The following NEK11 variants were observed in gnomAD, a reference collection of about 807,000 sequenced individuals.
The protein encoded by NEK11 is NIMA related kinase 11.
A neutral mutation model predicts 80.7 loss-of-function variants in NEK11; 72 were observed. That is an observed-to-expected ratio of 0.89 (90% CI 0.74 to 1.08). The LOEUF is 1.08. Ranked by LOEUF, NEK11 falls within the 50% of genes least tolerant of loss-of-function variation. NEK11 has a pLI of 0.00. For missense variants in NEK11, 764 were observed against 763.6 expected (o/e 1.00, Z -0.01); for synonymous variants, 251 against 260.7 (o/e 0.96, Z 0.36).
intron 17 of NEK11, among the ~76,000 whole-genome samples, chr3:131,301,563 G>A (rs2096661869): frequency 6.6e-6 from 1 of 151,640 alleles, no homozygotes; most frequent in African/African-American, 2.4e-5. Flanking sequence ...TGCCTAGTTT[G>A]TTGTGGAGGA....
At chr3:131,129,100 C>T (rs565195699) in intron 5 of NEK11, among the ~76,000 whole-genome samples, 5 of 129,554 alleles carry the variant, frequency 3.9e-5, no homozygotes, top group East Asian at 2.5e-4. Flanking sequence ...GTCACGCAGG[C>T]GTGTCAGAGT....
chr3:131,171,867 G>A (rs943919685), intron 14 of NEK11, among the ~76,000 whole-genome samples: 4 of 152,218 alleles, frequency 2.6e-5, no homozygotes, highest in African/African-American at 9.6e-5. Flanking sequence ...GAATTAATGA[G>A]TGGATGAATA....
At chr3:131,058,479 G>A (rs370710648) in intron 3 of NEK11, among the ~76,000 whole-genome samples, 28 of 152,226 alleles carry the variant, frequency 1.8e-4, no homozygotes, top group African/African-American at 5.5e-4. Context: ...TAGAGAGAGC[G>A]ATACCAGCCC....
chr3:131,085,613 A>G (rs959713415), intron 4 of NEK11, among the ~76,000 whole-genome samples: 13 of 152,290 alleles, frequency 8.5e-5, no homozygotes, highest in African/African-American at 3.1e-4. Flanking sequence ...TAGGCCAAGA[A>G]GAATAGAGCA....
At chr3:131,270,368 CG>C (rs1315016030) in intron 16 of NEK11, among the ~76,000 whole-genome samples, 1 of 152,156 alleles carries the variant, frequency 6.6e-6, no homozygotes, top group Non-Finnish European at 1.5e-5. Flanking sequence ...CATATGGAAA[CG>C]TAGAATCCCA....
At chr3:131,087,253 T>C (rs2076107406) in intron 4 of NEK11, among the ~76,000 whole-genome samples, 1 of 146,828 alleles carries the variant, frequency 6.8e-6, no homozygotes, top group Non-Finnish European at 1.5e-5. Flanking sequence ...TTTTTTTTTT[T>C]TTTTTGAGAC....
chr3:131,237,298 T>C (rs963914236), intron 15 of NEK11, among the ~76,000 whole-genome samples: 1 of 152,188 alleles, frequency 6.6e-6, no homozygotes, highest in Non-Finnish European at 1.5e-5. Flanking sequence ...ATTAAGCCAC[T>C]GTACTCCAGC....
chr3:131,134,146 C>T, intron 7 of NEK11, 190 bp downstream of exon 7: 1 of 473,806 alleles, frequency 2.1e-6, no homozygotes, highest in Non-Finnish European at 3.4e-6. Flanking sequence ...TTCAAAAATT[C>T]TTTTTATTCA....
chr3:131,186,112 A>G (rs1010660637), intron 14 of NEK11, among the ~76,000 whole-genome samples: 2 of 152,212 alleles, frequency 1.3e-5, no homozygotes, highest in African/African-American at 4.8e-5. Context: ...GCAAGTTGCA[A>G]TATTTTCTCA....
chr3:131,091,761 T>A (rs1226557788), intron 4 of NEK11, among the ~76,000 whole-genome samples: 1 of 152,188 alleles, frequency 6.6e-6, no homozygotes, highest in Non-Finnish European at 1.5e-5. Context: ...AAACTTTAAA[T>A]AAATTAAATT....
At position 131,324,576 on chromosome 3, in the gene NEK11, G is replaced by GA. The variant is rs2096936773; in HGVS notation, c.1719-24974dup. Among the ~76,000 whole-genome samples, 4 of 152,050 alleles carry GA rather than the reference G, an allele frequency of 2.6e-5. No individual in the cohort carries two copies. In the South Asian group the frequency reaches 8.3e-4, roughly 31 times the overall value. On this transcript the variant is annotated intron_variant, in intron 17 of 17. Coordinates refer to ENST00000383366, the MANE Select transcript of NEK11 (RefSeq NM_024800.5). ...GTGGTGAAATTGACTCTTCAAAAAT[G>GA]AAAAAAAGTGTGGCTTGAATTGATA... is the stretch of plus-strand genomic sequence containing the variant.
At chr3:131,153,843 C>G (rs1283048379) in intron 9 of NEK11, among the ~76,000 whole-genome samples, 1 of 152,114 alleles carries the variant, frequency 6.6e-6, no homozygotes, top group Non-Finnish European at 1.5e-5. Flanking sequence ...ATATGCCTAG[C>G]ACTGGGAAGA....
At position 131,222,032 on chromosome 3, in the gene NEK11, C is replaced by T. The variant is rs940739289; in HGVS notation, c.1400-6496C>T. 4.6e-5 allele frequency among the ~76,000 whole-genome samples: 7 copies of T among 152,034 alleles called. 1 individual carries two copies. In the South Asian group the frequency reaches 6.2e-4, roughly 14 times the overall value. Reference sequence around the variant, plus strand: ...TCTGATTCTCCCAGCTCCCTTAAGACGGTTTACCAGGATGACTAAGCTTCA... The same window carrying T: ...TCTGATTCTCCCAGCTCCCTTAAGATGGTTTACCAGGATGACTAAGCTTCA... On this transcript the variant is annotated intron_variant, in intron 14 of 17. Transcript: ENST00000383366.
intron 17 of NEK11, among the ~76,000 whole-genome samples, chr3:131,337,942 ATTT>A (rs1250150773): frequency 6.6e-6 from 1 of 151,848 alleles, no homozygotes; most frequent in East Asian, 1.9e-4. Context: ...CTTGGCATAA[ATTT>A]TTTTTCTTTT....
At chr3:131,104,554 G>A (rs11714517) in intron 4 of NEK11, among the ~76,000 whole-genome samples, 68,597 of 151,830 alleles carry the variant, frequency 0.45, 17,360 homozygotes, top group Middle Eastern at 0.67. Flanking sequence ...AAAGAAGAGC[G>A]ATGACCAGCT....
At chr3:131,310,599 ACTTTC>A (rs1168786924) in intron 17 of NEK11, among the ~76,000 whole-genome samples, 4 of 152,212 alleles carry the variant, frequency 2.6e-5, no homozygotes, top group Non-Finnish European at 5.9e-5. Context: ...TGACAGATAT[ACTTTC>A]AAACTTTAAA....
intron 5 of NEK11, among the ~76,000 whole-genome samples, chr3:131,120,959 T>C (rs2082267788): frequency 6.6e-6 from 1 of 152,032 alleles, no homozygotes; most frequent in Non-Finnish European, 1.5e-5. Flanking sequence ...TGTTATTACC[T>C]ATCGGCTGAA....
At chr3:131,082,006 G>A (rs1402394578) in intron 4 of NEK11, among the ~76,000 whole-genome samples, 1 of 152,160 alleles carries the variant, frequency 6.6e-6, no homozygotes, top group Non-Finnish European at 1.5e-5. Flanking sequence ...TTCCCCTTCA[G>A]GTCAGCCTCA....
rs1560231804 is a variant in NEK11 at position 131,064,806 on chromosome 3, A to AAGAATGTAAT, written c.171-15617_171-15616insAGAATGTAAT. ...CCTTCAAAGAGCTTATGGACCAGTCAGGCAAACAAGAATGTAAATAGGCAT... is the reference window on the plus strand; with the variant it reads ...CCTTCAAAGAGCTTATGGACCAGTCAAGAATGTAATGGCAAACAAGAATGTAAATAGGCAT... On this transcript the variant is annotated intron_variant, in intron 3 of 17. Transcript: ENST00000383366. Among the ~76,000 whole-genome samples the AAGAATGTAAT allele has an allele frequency of 3.4e-4, 51 of 152,170 alleles. 1 individual carries two copies. Among genetic ancestry groups the AAGAATGTAAT allele is most frequent in the Admixed American group, 5.9e-4 (9 of 15,260 alleles).
Sources: allele counts gnomAD v4.1 joint callset (sites outside exome capture counted in the v4.1 genomes callset), GRCh38; gene constraint gnomAD v4.1.1; transcripts MANE v1.5; gene names NCBI Gene and HGNC (gene_info 2026-07-23, HGNC 2026-07-21).